Variants in DGKG observed in about 807,000 individuals in gnomAD.
DGKG encodes the protein DAG kinase gamma.
A neutral mutation model predicts 105.3 loss-of-function variants in DGKG; 78 were observed. That is an observed-to-expected ratio of 0.74 (90% CI 0.62 to 0.89). The LOEUF is 0.89. Ranked by LOEUF, DGKG falls within the 40% of genes least tolerant of loss-of-function variation. The pLI, the probability that DGKG is intolerant of heterozygous loss-of-function variation, is 0.00. For missense variants in DGKG, 958 were observed against 1,020.1 expected, an observed-to-expected ratio of 0.94 and a Z score of 0.83; for synonymous variants, 346 against 367.1, an observed-to-expected ratio of 0.94 and a Z score of 0.66.
intron 24 of DGKG, chr3:186,158,579 G>C: frequency 7.5e-6 from 7 of 932,340 alleles, no homozygotes; most frequent in Non-Finnish European, 9.0e-6. Context: ...TTGTAAACTA[G>C]TTTATGATCT....
chr3:186,220,902 C>T (rs1217386564), intron 20 of DGKG, among the ~76,000 whole-genome samples: 3 of 152,226 alleles, frequency 2.0e-5, no homozygotes, highest in African/African-American at 7.2e-5. Flanking sequence ...TTGATAGGAT[C>T]TCCGAATTCT....
intron 21 of DGKG, among the ~76,000 whole-genome samples, chr3:186,193,796 G>C (rs544260152): frequency 6.6e-6 from 1 of 152,320 alleles, no homozygotes; most frequent in East Asian, 1.9e-4. Context: ...CCCCTGCTCC[G>C]GCCCGCGCGG....
chr3:186,233,219 A>G (rs1236406494), intron 20 of DGKG, among the ~76,000 whole-genome samples: 1 of 152,170 alleles, frequency 6.6e-6, no homozygotes, highest in Non-Finnish European at 1.5e-5. Flanking sequence ...CAGCGTTCTC[A>G]TAAGTGGAAG....
chr3:186,164,865 A>C, intron 23 of DGKG, 33 bp downstream of exon 23: 1 of 1,593,208 alleles, frequency 6.3e-7, no homozygotes, highest in Non-Finnish European at 8.5e-7. Context: ...AGGCGGGGAG[A>C]TGCAGAGGCT....
chr3:186,275,781 T>A, intron 9 of DGKG, 117 bp from the exon 10 acceptor site: 1 of 644,962 alleles, frequency 1.6e-6, no homozygotes, highest in Middle Eastern at 4.4e-4. Flanking sequence ...GTTATTGATA[T>A]TTTTTACTGT....
intron 20 of DGKG, among the ~76,000 whole-genome samples, chr3:186,217,110 G>A (rs1371991547): frequency 6.6e-6 from 1 of 152,210 alleles, no homozygotes; most frequent in East Asian, 1.9e-4. Flanking sequence ...ACTGGAAGAA[G>A]ACGCATTCCC....
intron 7 of DGKG, chr3:186,280,997 C>T (rs1208902238): frequency 2.5e-6 from 1 of 397,670 alleles, no homozygotes; most frequent in African/African-American, 2.0e-5. Flanking sequence ...CCTGGACCCA[C>T]CTTCCTTCCC....
intron 2 of DGKG, among the ~76,000 whole-genome samples, chr3:186,317,581 A>G (rs912625079): frequency 1.4e-4 from 21 of 152,132 alleles, no homozygotes; most frequent in African/African-American, 4.8e-4. Flanking sequence ...GGAAGCTCCC[A>G]TGATGTCCTC....
At chr3:186,164,085 T>A (rs1716423296) in intron 23 of DGKG, among the ~76,000 whole-genome samples, 2 of 152,266 alleles carry the variant, frequency 1.3e-5, no homozygotes, top group East Asian at 1.9e-4. Flanking sequence ...TCCAATGTGC[T>A]CTGATGACAC....
chr3:186,278,209 A>G (rs1378126250), intron 9 of DGKG, among the ~76,000 whole-genome samples: 1 of 152,158 alleles, frequency 6.6e-6, no homozygotes, highest in African/African-American at 2.4e-5. Flanking sequence ...AGAACAGAAA[A>G]TGGAAATTGA....
chr3:186,303,926 C>G (rs1237136134), intron 3 of DGKG, among the ~76,000 whole-genome samples: 14 of 152,342 alleles, frequency 9.2e-5, no homozygotes. Flanking sequence ...AAATTAAACC[C>G]TTCTTATTTC....
rs758270635 is a variant in DGKG, at chr3:186,203,204, T to C, written c.1917+8591A>G. ...ATTAGTGAAGGAAACTCGTAGTCAG[T>C]GCACGACTGAAAGAGACAGAGATGG... is the stretch of plus-strand genomic sequence containing the variant. On this transcript the variant is annotated intron_variant, in intron 21 of 24. Coordinates refer to ENST00000265022, the MANE Select transcript of DGKG (RefSeq NM_001346.3). The surrounding 1 kb of genome is among the most constrained non-coding windows in gnomAD (Gnocchi z 4.9). Among the ~76,000 whole-genome samples the C allele has an allele frequency of 2.6e-5, 4 of 152,200 alleles. No homozygotes were observed. The highest frequency in any genetic ancestry group is 5.9e-5 in the Non-Finnish European group (4 of 68,036).
chr3:186,329,333 A>G (rs1303428035), intron 1 of DGKG, among the ~76,000 whole-genome samples: 1 of 152,190 alleles, frequency 6.6e-6, no homozygotes, highest in Non-Finnish European at 1.5e-5. Flanking sequence ...GCAATTTTAT[A>G]TACTGGATCA....
At chr3:186,263,605 A>AAG (rs1319541192) in intron 14 of DGKG, among the ~76,000 whole-genome samples, 12 of 151,832 alleles carry the variant, frequency 7.9e-5, no homozygotes, top group African/African-American at 2.7e-4. Flanking sequence ...AAGCAAGCAA[A>AAG]CAAACGCACC....
In DGKG at chr3:186,327,350, T is replaced by TCTCCTCCTCCTC. The variant is rs529028348; in HGVS notation, c.-248-6655_-248-6644dup. On this transcript the variant is annotated intron_variant, in intron 1 of 24. Transcript: ENST00000265022. ...TCTTATTTCCCCCTTTCCTCCTCCT[T>TCTCCTCCTCCTC]CTCCTCCTCCTCCTCCTCCTCCTTA... Among the ~76,000 whole-genome samples, 405 of 150,162 alleles carry TCTCCTCCTCCTC rather than the reference T, an allele frequency of 2.7e-3. 2 individuals carry two copies. The highest frequency in any genetic ancestry group is 9.5e-3 in the African/African-American group (387 of 40,798).
At chr3:186,257,682 T>A (rs921695193) in intron 17 of DGKG, 172 bp downstream of exon 17, 3 of 81,198 alleles carry the variant, frequency 3.7e-5, no homozygotes, top group African/African-American at 3.2e-4. Context: ...GTCTTATTTC[T>A]TTTTTTTTTT....
chr3:186,358,683 C>T (rs1163040530), intron 1 of DGKG, among the ~76,000 whole-genome samples: 4 of 150,372 alleles, frequency 2.7e-5, no homozygotes, highest in African/African-American at 9.8e-5. Flanking sequence ...GTCAGACAAA[C>T]TCTGTTACTT....
intron 1 of DGKG, among the ~76,000 whole-genome samples, chr3:186,322,304 C>T (rs1423572640): frequency 6.6e-6 from 1 of 152,118 alleles, no homozygotes; most frequent in Non-Finnish European, 1.5e-5. Flanking sequence ...AGGACATTAT[C>T]CTAAGTGAAC....
chr3:186,175,315 G>A (rs1717020407), intron 22 of DGKG, among the ~76,000 whole-genome samples: 1 of 152,210 alleles, frequency 6.6e-6, no homozygotes, highest in Admixed American at 6.5e-5. Context: ...AAGAGAAAGT[G>A]TGAGGCCCTG....
Sources: gnomAD v4.1 joint callset for allele counts (sites outside exome capture counted in the v4.1 genomes callset) on GRCh38, gnomAD v4.1.1 for gene constraint, Gnocchi (gnomAD v3.1) non-coding constraint, MANE v1.5 for transcripts, NCBI Gene and HGNC (gene_info 2026-07-23, HGNC 2026-07-21) for gene names.